COL5A2: variants seen among roughly 807,000 people sequenced by gnomAD.
COL5A2 encodes collagen type V alpha 2 chain, also known as collagen alpha-2(V) chain.
Under a neutral mutation model 208.2 loss-of-function variants are expected in COL5A2, and 23 were observed. The observed-to-expected ratio is 0.11, with a 90% confidence interval of 0.08 to 0.16. The LOEUF (loss-of-function observed/expected upper bound fraction) is 0.16. Among genes scored for constraint, COL5A2 ranks in the 10% least tolerant of loss-of-function variants. The pLI, the probability that COL5A2 is intolerant of heterozygous loss-of-function variation, is 1.00. For synonymous variants in COL5A2, 625 were observed against 628.5 expected (o/e 0.99, Z 0.08); for missense variants, 1,590 against 1,956.4 (o/e 0.81, Z 3.53).
intron 44 of COL5A2, among the ~76,000 whole-genome samples, chr2:189,048,993 C>T (rs982008017): frequency 6.6e-6 from 1 of 151,930 alleles, no homozygotes; most frequent in Non-Finnish European, 1.5e-5. Flanking sequence ...ATCCTATCAC[C>T]AAAAAACTTG....
chr2:189,298,701 C>A, the COL5A2 span, among the ~76,000 whole-genome samples: 1 of 152,176 alleles, frequency 6.6e-6, no homozygotes, highest in Non-Finnish European at 1.5e-5. Context: ...CTGGTAGGAA[C>A]CTCCATTCTT....
intron 29 of COL5A2, 83 bp downstream of exon 29, chr2:189,062,782 A>G: frequency 6.6e-6 from 10 of 1,514,762 alleles, no homozygotes; most frequent in East Asian, 2.3e-5. Flanking sequence ...AAACTTACCC[A>G]TAAGTCTTGA....
the COL5A2 span, among the ~76,000 whole-genome samples, chr2:189,423,685 C>T: frequency 1.3e-5 from 2 of 151,874 alleles, no homozygotes; most frequent in South Asian, 4.1e-4. Flanking sequence ...AAATTCTGAA[C>T]AGATCAATAA....
At chr2:189,085,794 A>G (rs1333482308) in intron 9 of COL5A2, 22 bp from the exon 10 acceptor site, 57 of 1,593,606 alleles carry the variant, frequency 3.6e-5, no homozygotes, top group Non-Finnish European at 4.7e-5. Flanking sequence ...AACAAAGTAT[A>G]TATACAAACC....
chr2:189,353,776 T>A, the COL5A2 span, among the ~76,000 whole-genome samples: 5 of 152,176 alleles, frequency 3.3e-5, no homozygotes, highest in African/African-American at 7.2e-5. Flanking sequence ...TGAATACCGT[T>A]TTTTTCTTTC....
chr2:189,425,305 AT>A, the COL5A2 span, among the ~76,000 whole-genome samples: 1 of 152,346 alleles, frequency 6.6e-6, no homozygotes, highest in East Asian at 1.9e-4. Context: ...TCCTCAAAAA[AT>A]AAAAAAATGA....
chr2:189,372,807 A>T, the COL5A2 span, among the ~76,000 whole-genome samples: 1 of 152,298 alleles, frequency 6.6e-6, no homozygotes, highest in East Asian at 1.9e-4. Context: ...TTTTAATAGT[A>T]GGTATATTTA....
At chr2:189,285,017 C>T in the COL5A2 span, among the ~76,000 whole-genome samples, 1 of 151,026 alleles carries the variant, frequency 6.6e-6, no homozygotes, top group African/African-American at 2.4e-5. Flanking sequence ...CTATGACATC[C>T]ATATGGACAC....
chr2:189,242,650 G>A, the COL5A2 span, among the ~76,000 whole-genome samples: 1 of 152,150 alleles, frequency 6.6e-6, no homozygotes, highest in Non-Finnish European at 1.5e-5. Flanking sequence ...GAAAGACCAT[G>A]ATATACTGTA....
the COL5A2 span, among the ~76,000 whole-genome samples, chr2:189,273,907 A>G: frequency 1.3e-5 from 2 of 152,050 alleles, no homozygotes; most frequent in African/African-American, 4.8e-5. Flanking sequence ...AGGGAGAAGG[A>G]GTAAGTTTGG....
At chr2:189,392,436 C>G in the COL5A2 span, among the ~76,000 whole-genome samples, 1 of 152,166 alleles carries the variant, frequency 6.6e-6, no homozygotes, top group East Asian at 1.9e-4. Flanking sequence ...GATTATCTGT[C>G]CCTTTTCTTT....
intron 1 of COL5A2, among the ~76,000 whole-genome samples, chr2:189,150,379 C>G (rs1425143567): frequency 1.3e-5 from 2 of 152,136 alleles, no homozygotes; most frequent in African/African-American, 4.8e-5. Context: ...ATGCAACTCT[C>G]ATTCTGTCAT....
intron 2 of COL5A2, among the ~76,000 whole-genome samples, chr2:189,106,444 A>G (rs1332123018): frequency 6.6e-6 from 1 of 151,290 alleles, no homozygotes; most frequent in Non-Finnish European, 1.5e-5. Flanking sequence ...TCTGCTTGTT[A>G]ATTTTGCACT....
chr2:189,041,462 C>G (rs1685557917), intron 50 of COL5A2, 124 bp downstream of exon 50: 2 of 791,238 alleles, frequency 2.5e-6, no homozygotes, highest in Non-Finnish European at 4.6e-6. Flanking sequence ...TCTTGTGTGA[C>G]TTCTACGTTT....
the COL5A2 span, among the ~76,000 whole-genome samples, chr2:189,411,845 A>T: frequency 6.6e-6 from 1 of 152,180 alleles, no homozygotes; most frequent in African/African-American, 2.4e-5. Flanking sequence ...TTAAGAAAAG[A>T]GTTTCAAGTA....
intron 1 of COL5A2, among the ~76,000 whole-genome samples, chr2:189,129,729 G>A (rs1687675056): frequency 6.6e-6 from 1 of 151,952 alleles, no homozygotes; most frequent in African/African-American, 2.4e-5. Flanking sequence ...TAAGATTTAG[G>A]GGAAGAGGTT....
rs116853584 is a variant in COL5A2, at chr2:189,069,111, T to G, written c.1159-227A>C. ...CTCTTCACTAGGAATATTCTCCATA[T>G]CCAATCTCCAGTTGAAGAAGCCCTA... is the stretch of plus-strand genomic sequence containing the variant. On this transcript the variant is annotated intron_variant, in intron 18 of 53. Transcript: ENST00000374866. 0.015 allele frequency among the ~76,000 whole-genome samples: 2,322 copies of G among 152,172 alleles called. 50 individuals are homozygous for G. Among genetic ancestry groups the G allele is most frequent in the South Asian group, 0.085 (410 of 4,822 alleles).
intron 1 of COL5A2, among the ~76,000 whole-genome samples, chr2:189,193,768 G>T (rs1546617): frequency 0.75 from 114,542 of 152,054 alleles, 45,395 homozygotes; most frequent in Non-Finnish European, 0.88. Flanking sequence ...TTTTCTGGGG[G>T]AGAGAGGATG....
chr2:189,141,380 A>T (rs1687931309), intron 1 of COL5A2, among the ~76,000 whole-genome samples: 1 of 152,142 alleles, frequency 6.6e-6, no homozygotes, highest in Non-Finnish European at 1.5e-5. Context: ...GCCTTATTAC[A>T]TATAAAGGGA....
Sources: gnomAD v4.1 joint callset for allele counts (sites outside exome capture counted in the v4.1 genomes callset) on GRCh38, gnomAD v4.1.1 for gene constraint, MANE v1.5 for transcripts, NCBI Gene and HGNC (gene_info 2026-07-23, HGNC 2026-07-21) for gene names.